The following SRP54 variants were observed in gnomAD, a reference collection of about 807,000 sequenced individuals.
The protein encoded by SRP54 is signal recognition particle subunit SRP54.
Under a neutral mutation model 64.8 loss-of-function variants are expected in SRP54, and 10 were observed. That is an observed-to-expected ratio of 0.15 (90% CI 0.10 to 0.26). The LOEUF (loss-of-function observed/expected upper bound fraction) is 0.26, where lower values mean the gene tolerates loss of function less well. Among genes scored for constraint, SRP54 ranks in the 10% least tolerant of loss-of-function variants. The pLI, the probability that SRP54 is intolerant of heterozygous loss-of-function variation, is 1.00. For synonymous variants in SRP54, 193 were observed against 185.6 expected (o/e 1.04, Z -0.32); for missense variants, 325 against 613.7 (o/e 0.53, Z 4.97).
intron 1 of SRP54, among the ~76,000 whole-genome samples, chr14:34,990,831 T>C (rs1202304378): frequency 6.6e-6 from 1 of 152,226 alleles, no homozygotes; most frequent in Non-Finnish European, 1.5e-5. Flanking sequence ...TAATGTACAG[T>C]ACAAATTACC....
chr14:35,006,959 CAG>C (rs1466611807), intron 4 of SRP54, among the ~76,000 whole-genome samples: 16 of 152,128 alleles, frequency 1.1e-4, no homozygotes, highest in Admixed American at 1.0e-3. Context: ...GAGGCTGAGA[CAG>C]AAGGATTGCT....
chr14:35,025,265 C>G (rs2044603025), intron 14 of SRP54, among the ~76,000 whole-genome samples: 1 of 152,048 alleles, frequency 6.6e-6, no homozygotes, highest in Admixed American at 6.6e-5. Context: ...TAGACAAGCT[C>G]TGAATATGAA....
chr14:35,011,449 C>T (rs1039122041), intron 7 of SRP54, 60 bp from the exon 8 acceptor site: 26 of 1,280,520 alleles, frequency 2.0e-5, no homozygotes, highest in Middle Eastern at 3.1e-4. Context: ...ATTAACTTTC[C>T]GAATTAGTAG....
chr14:35,008,891 T>TC (rs1409687207), intron 7 of SRP54, 60 bp downstream of exon 7: 1 of 1,370,264 alleles, frequency 7.3e-7, no homozygotes, highest in African/African-American at 1.5e-5. Context: ...CAGCTTTTTT[T>TC]TTTTTTTTTT....
At chr14:35,012,346 T>C (rs776766862) in intron 8 of SRP54, among the ~76,000 whole-genome samples, 2 of 152,202 alleles carry the variant, frequency 1.3e-5, no homozygotes, top group African/African-American at 4.8e-5. Context: ...TTGTGTCTCT[T>C]TAAAAGTGTG....
rs181963077 is a variant in SRP54 at position 34,990,797 on chromosome 14, T to C, written c.-33-5880T>C. On this transcript the variant is annotated intron_variant, in intron 1 of 15. Coordinates refer to ENST00000216774, the MANE Select transcript of SRP54 (RefSeq NM_003136.4). ...GCAGGGAAATTCTGAAGAAGAATTA[T>C]AAGTAATGACAAATAAATATATTTA... is the stretch of plus-strand genomic sequence containing the variant. Among the ~76,000 whole-genome samples the C allele has an allele frequency of 1.4e-4, 21 of 152,376 alleles. 1 individual carries two copies. Among genetic ancestry groups the C allele is most frequent in the Non-Finnish European group, 2.2e-4 (15 of 68,030 alleles).
rs563892776 is a variant in SRP54 at position 35,001,649 on chromosome 14, G to A, written c.255+629G>A. Reference sequence around the variant, plus strand: ...CTAGTGATGGTCCTGCTTTTGTATGGCAAAGTCACATATAGCAAGTATTCT... The same window carrying A: ...CTAGTGATGGTCCTGCTTTTGTATGACAAAGTCACATATAGCAAGTATTCT... On this transcript the variant is annotated intron_variant, in intron 4 of 15. Coordinates refer to ENST00000216774, the MANE Select transcript of SRP54 (RefSeq NM_003136.4). Among the ~76,000 whole-genome samples the A allele has an allele frequency of 3.9e-5, 6 of 152,208 alleles. No individual in the cohort carries two copies. The East Asian group carries it at 9.6e-4, about 24-fold the overall frequency.
intron 7 of SRP54, 25 bp downstream of exon 7, chr14:35,008,856 C>T: frequency 1.5e-6 from 2 of 1,344,304 alleles, no homozygotes; most frequent in Non-Finnish European, 2.1e-6. Flanking sequence ...TTTATTTTAA[C>T]ACTTATATCC....
At chr14:35,004,191 A>G (rs975648164) in intron 4 of SRP54, among the ~76,000 whole-genome samples, 2 of 152,182 alleles carry the variant, frequency 1.3e-5, no homozygotes, top group Non-Finnish European at 2.9e-5. Context: ...CAGAGGTTGC[A>G]GTGAGCTGAG....
At chr14:34,987,266 T>C (rs2043913480) in intron 1 of SRP54, among the ~76,000 whole-genome samples, 1 of 104,832 alleles carries the variant, frequency 9.5e-6, no homozygotes, top group Non-Finnish European at 2.3e-5. Flanking sequence ...TATATGTGTG[T>C]GTGTGTGTGT....
chr14:35,007,548 TTA>T (rs1368422318), intron 5 of SRP54, among the ~76,000 whole-genome samples, 161 bp downstream of exon 5: 2 of 147,290 alleles, frequency 1.4e-5, no homozygotes, highest in African/African-American at 4.9e-5. Context: ...ATAAATAATG[TTA>T]TTTTATATAA....
At chr14:34,987,259 A>ATATATATG (rs1555352662) in intron 1 of SRP54, among the ~76,000 whole-genome samples, 6 of 113,442 alleles carry the variant, frequency 5.3e-5, no homozygotes, top group African/African-American at 1.8e-4. Flanking sequence ...ATATATATAT[A>ATATATATG]TGTGTGTGTG....
chr14:35,006,069 G>A (rs1049270973), intron 4 of SRP54, among the ~76,000 whole-genome samples: 2 of 151,860 alleles, frequency 1.3e-5, no homozygotes, highest in Non-Finnish European at 2.9e-5. Context: ...TCAATCTCCT[G>A]ACCTTGTGAT....
chr14:35,005,976 A>T (rs1411496632), intron 4 of SRP54, among the ~76,000 whole-genome samples: 1 of 152,122 alleles, frequency 6.6e-6, no homozygotes, highest in East Asian at 1.9e-4. Context: ...AGTAGCTGGG[A>T]CTACAGGCGC....
At position 35,011,502 on chromosome 14, in the gene SRP54, T is replaced by TAA. The variant is rs2044357990; in HGVS notation, c.486-6_486-5insAA. The TAA allele has an allele frequency of 1.4e-6, 2 of 1,465,848 alleles. No individual in the cohort carries two copies. The highest frequency in any genetic ancestry group is 2.8e-5 in the African/African-American group (2 of 71,226). 90.8% of individuals were successfully genotyped at this position (1,465,848 alleles called of 1,614,324 possible). ...GTTTTGTTAAATCATTTGTCCATGTTATATAGCTATACAGAAATGGATCCT... is the reference window on the plus strand; with the variant it reads ...GTTTTGTTAAATCATTTGTCCATGTTAAATATAGCTATACAGAAATGGATCCT... On this transcript the variant is annotated splice_polypyrimidine_tract_variant and splice_region_variant and intron_variant, in intron 7 of 15. Transcript: ENST00000216774.
At chr14:35,004,158 G>T (rs2044222130) in intron 4 of SRP54, among the ~76,000 whole-genome samples, 1 of 152,128 alleles carries the variant, frequency 6.6e-6, no homozygotes, top group Non-Finnish European at 1.5e-5. Flanking sequence ...GCTGAGGCAG[G>T]AGAATGGCTT....
intron 7 of SRP54, among the ~76,000 whole-genome samples, chr14:35,009,048 A>G (rs1259937593): frequency 1.3e-5 from 2 of 151,706 alleles, no homozygotes; most frequent in African/African-American, 4.8e-5. Flanking sequence ...CACCATGCCC[A>G]TCTAAATTTT....
rs75572773 is a variant in SRP54, at chr14:34,995,949, C to G, written c.-33-728C>G. ...GCATGGTGGCATGCACCTGTGGTCC[C>G]AGCTACTTGGGGGGCTAAGGCAGGA... On this transcript the variant is annotated intron_variant, in intron 1 of 15. Coordinates refer to ENST00000216774, the MANE Select transcript of SRP54 (RefSeq NM_003136.4). 6.6e-5 allele frequency among the ~76,000 whole-genome samples: 10 copies of G among 151,844 alleles called. No homozygotes were observed. The East Asian group carries it at 1.9e-3, about 30-fold the overall frequency.
intron 11 of SRP54, 77 bp from the exon 12 acceptor site, chr14:35,018,615 A>G: frequency 8.8e-7 from 1 of 1,137,568 alleles, no homozygotes; most frequent in East Asian, 2.4e-5. Context: ...TGAATTCATG[A>G]TTAAGGAATA....
Sources: gnomAD v4.1 joint callset for allele counts (sites outside exome capture counted in the v4.1 genomes callset) on GRCh38, gnomAD v4.1.1 for gene constraint, MANE v1.5 for transcripts, NCBI Gene and HGNC (gene_info 2026-07-23, HGNC 2026-07-21) for gene names.